Variants in MAPK10 observed in about 807,000 individuals in gnomAD.
MAPK10 encodes mitogen-activated protein kinase 10.
A neutral mutation model predicts 59.3 loss-of-function variants in MAPK10; 25 were observed. The ratio of observed to expected loss-of-function variants is 0.42; its 90% CI spans 0.31 to 0.59. The LOEUF (loss-of-function observed/expected upper bound fraction) is 0.59. Ranked by LOEUF, MAPK10 falls within the 20% of genes least tolerant of loss-of-function variation. MAPK10 has a pLI of 0.15. For synonymous variants in MAPK10, 190 were observed against 200.5 expected, an observed-to-expected ratio of 0.95 and a Z score of 0.44; for missense variants, 351 against 568.9, an observed-to-expected ratio of 0.62 and a Z score of 3.90.
At chr4:86,218,568 C>CA (rs11330422) in intron 2 of MAPK10, among the ~76,000 whole-genome samples, 6,849 of 95,258 alleles carry the variant, frequency 0.072, 352 homozygotes, top group Non-Finnish European at 0.094. Flanking sequence ...AAGACTTAAG[C>CA]AAAAAAAAAA....
chr4:86,414,400 C>A (rs191442890), intron 1 of MAPK10, among the ~76,000 whole-genome samples: 2 of 152,260 alleles, frequency 1.3e-5, no homozygotes, highest in East Asian at 3.9e-4. Context: ...TCTAGTCAAA[C>A]AGAAAATCTC....
chr4:86,234,192 C>T (rs1293875267), intron 2 of MAPK10, among the ~76,000 whole-genome samples: 3 of 151,570 alleles, frequency 2.0e-5, no homozygotes, highest in Non-Finnish European at 1.5e-5. Context: ...ACAATAACAA[C>T]AAAAAAATCT....
chr4:86,021,859 C>A (rs1442267916), intron 13 of MAPK10, among the ~76,000 whole-genome samples: 1 of 152,270 alleles, frequency 6.6e-6, no homozygotes, highest in African/African-American at 2.4e-5. Context: ...GGTGCTAAGT[C>A]CCTCACTGCC....
At chr4:86,549,038 C>T (rs1180697930) in intron 1 of MAPK10, among the ~76,000 whole-genome samples, 1 of 151,734 alleles carries the variant, frequency 6.6e-6, no homozygotes, top group African/African-American at 2.4e-5. Context: ...TACTAAAATA[C>T]CAATATTAAT....
At chr4:86,288,056 C>T (rs903215224) in intron 2 of MAPK10, among the ~76,000 whole-genome samples, 11 of 152,126 alleles carry the variant, frequency 7.2e-5, no homozygotes, top group Admixed American at 5.2e-4. Flanking sequence ...GTCTAACTAA[C>T]GCTAGTTCTG....
chr4:86,041,090 T>C (rs1252463298), intron 11 of MAPK10: 1 of 152,182 alleles, frequency 6.6e-6, no homozygotes. Flanking sequence ...AATACTGTAA[T>C]GGTGGTATGT....
chr4:86,084,560 C>T (rs947069720), intron 9 of MAPK10, among the ~76,000 whole-genome samples: 11 of 151,904 alleles, frequency 7.2e-5, no homozygotes, highest in African/African-American at 2.7e-4. Context: ...TGAAAGATCT[C>T]TACAATAAAA....
upstream of MAPK10, among the ~76,000 whole-genome samples, chr4:86,362,711 A>G (rs577539835): frequency 6.6e-6 from 1 of 152,314 alleles, no homozygotes; most frequent in East Asian, 1.9e-4. Context: ...ATCATTAGTC[A>G]GCAGAAATAT....
At chr4:86,088,221 A>G (rs2052350274) in intron 9 of MAPK10, among the ~76,000 whole-genome samples, 1 of 152,166 alleles carries the variant, frequency 6.6e-6, no homozygotes, top group Non-Finnish European at 1.5e-5. Context: ...TCTGTTGCCT[A>G]CCTAGGCTGC....
chr4:86,071,403 C>A (rs950413069), intron 9 of MAPK10, among the ~76,000 whole-genome samples: 1 of 124,724 alleles, frequency 8.0e-6, no homozygotes, highest in Non-Finnish European at 1.7e-5. Flanking sequence ...TTAATTAGAT[C>A]CCATTTGTCA....
intron 1 of MAPK10, among the ~76,000 whole-genome samples, chr4:86,478,801 C>T (rs1393939834): frequency 1.3e-5 from 2 of 152,184 alleles, no homozygotes; most frequent in Non-Finnish European, 2.9e-5. Flanking sequence ...CAGGCCTAAT[C>T]GCAACACACC....
chr4:86,358,237 TGAGA>T, intron 1 of MAPK10: 1 of 985,418 alleles, frequency 1.0e-6, no homozygotes, highest in African/African-American at 1.7e-5. Context: ...GAAGCTTCTC[TGAGA>T]GAAATGGTCC....
chr4:86,101,347 A>C, intron 7 of MAPK10, 130 bp from the exon 8 acceptor site: 1 of 568,828 alleles, frequency 1.8e-6, no homozygotes, highest in South Asian at 2.8e-5. Flanking sequence ...GCTCTAAATA[A>C]GGCAAATGAT....
At chr4:86,350,725 G>A (rs1413934384) in intron 2 of MAPK10, among the ~76,000 whole-genome samples, 2 of 152,092 alleles carry the variant, frequency 1.3e-5, no homozygotes, top group African/African-American at 2.4e-5. Context: ...CTTTAAGTAG[G>A]GCAATTATAC....
chr4:86,465,267 G>A (rs939572730), intron 1 of MAPK10, among the ~76,000 whole-genome samples: 1 of 152,206 alleles, frequency 6.6e-6, no homozygotes, highest in African/African-American at 2.4e-5. Context: ...GTGTTTGGTG[G>A]TGATGGGCAT....
intron 6 of MAPK10, 69 bp downstream of exon 6, chr4:86,103,117 G>GTT: frequency 2.7e-6 from 2 of 743,278 alleles, no homozygotes; most frequent in African/African-American, 1.9e-5. Context: ...GTGTGTGTGT[G>GTT]GTGTGTGATT....
At chr4:86,380,688 T>C (rs900654390) in intron 1 of MAPK10, among the ~76,000 whole-genome samples, 2 of 152,306 alleles carry the variant, frequency 1.3e-5, no homozygotes, top group East Asian at 1.9e-4. Context: ...TAATGATAAA[T>C]ACATTATGCA....
At chr4:86,291,846 G>C (rs1002434921) in intron 2 of MAPK10, among the ~76,000 whole-genome samples, 5 of 152,126 alleles carry the variant, frequency 3.3e-5, no homozygotes, top group African/African-American at 1.2e-4. Context: ...CAATATTTGG[G>C]AGTCAAGTGT....
At chr4:86,504,534 A>G (rs891529506) in intron 1 of MAPK10, among the ~76,000 whole-genome samples, 2 of 152,162 alleles carry the variant, frequency 1.3e-5, no homozygotes, top group Admixed American at 6.6e-5. Context: ...GTAGGAACCT[A>G]CCAATTTTTT....
Sources: gnomAD v4.1 joint callset for allele counts (sites outside exome capture counted in the v4.1 genomes callset) on GRCh38, gnomAD v4.1.1 for gene constraint, MANE v1.5 for transcripts, NCBI Gene and HGNC (gene_info 2026-07-23, HGNC 2026-07-21) for gene names.